PDE6A: variants seen among roughly 807,000 people sequenced by gnomAD.
PDE6A encodes rod cGMP-specific 3',5'-cyclic phosphodiesterase subunit alpha.
A neutral mutation model predicts 106.3 loss-of-function variants in PDE6A; 84 were observed. The ratio of observed to expected loss-of-function variants is 0.79; its 90% CI spans 0.66 to 0.95. The LOEUF (loss-of-function observed/expected upper bound fraction) is 0.95. Among genes scored for constraint, PDE6A ranks in the 40% least tolerant of loss-of-function variants. PDE6A has a pLI of 0.00. For synonymous variants in PDE6A, 394 were observed against 386.6 expected (o/e 1.02, Z -0.23); for missense variants, 1,052 against 1,084.9 (o/e 0.97, Z 0.43).
At chr5:149,939,860 A>C (rs1293787649) in intron 1 of PDE6A, among the ~76,000 whole-genome samples, 2 of 151,552 alleles carry the variant, frequency 1.3e-5, no homozygotes, top group African/African-American at 4.8e-5. Context: ...ATAGAGGAGG[A>C]GGGAGTACAG....
At chr5:149,922,423 T>C (rs1034012846) in intron 4 of PDE6A, among the ~76,000 whole-genome samples, 6 of 152,102 alleles carry the variant, frequency 3.9e-5, no homozygotes, top group African/African-American at 1.4e-4. Context: ...GCAATTCTCC[T>C]GGCTCAGCCT....
At chr5:149,918,944 T>A (rs1753629732) in intron 5 of PDE6A, among the ~76,000 whole-genome samples, 3 of 152,174 alleles carry the variant, frequency 2.0e-5, no homozygotes, top group Admixed American at 2.0e-4. Context: ...CTTAAAAATA[T>A]TTTTAAATAG....
chr5:149,898,754 A>G (rs1314441925), intron 9 of PDE6A, among the ~76,000 whole-genome samples: 3 of 152,106 alleles, frequency 2.0e-5, no homozygotes, highest in African/African-American at 7.2e-5. Context: ...CAAAAAGAGA[A>G]TGTGTTTTTG....
intron 13 of PDE6A, among the ~76,000 whole-genome samples, chr5:149,892,856 T>G (rs1561722769): frequency 6.6e-6 from 1 of 152,314 alleles, no homozygotes; most frequent in East Asian, 1.9e-4. Flanking sequence ...ACAAAGATAT[T>G]TTAAACACAA....
chr5:149,878,943 A>G (rs1453232445), intron 17 of PDE6A, among the ~76,000 whole-genome samples: 1 of 152,066 alleles, frequency 6.6e-6, no homozygotes, highest in Admixed American at 6.6e-5. Context: ...TATTTAGACT[A>G]TGTGTTTTTG....
intron 5 of PDE6A, among the ~76,000 whole-genome samples, chr5:149,918,362 G>A (rs1269378323): frequency 3.3e-5 from 5 of 152,142 alleles, no homozygotes; most frequent in African/African-American, 9.7e-5. Flanking sequence ...AAAAAGCAAG[G>A]CACAAAATAG....
rs1174167224 is a variant in PDE6A at position 149,860,076 on chromosome 5, G to C, written c.*819C>G. On this transcript the variant is annotated 3_prime_UTR_variant, in exon 22 of 22. Transcript: ENST00000255266. Reference sequence around the variant, plus strand: ...AGTGCTAATTTTTGTATTTTTTGTAGAGACAGGGTTTTGCCATTTTGCTCA... The same window carrying C: ...AGTGCTAATTTTTGTATTTTTTGTACAGACAGGGTTTTGCCATTTTGCTCA... 2 of 152,150 alleles carry C rather than the reference G, an allele frequency of 1.3e-5. No homozygotes were observed. Among genetic ancestry groups the C allele is most frequent in the African/African-American group, 4.8e-5 (2 of 41,406 alleles). 9.4% of individuals were successfully genotyped at this position (152,150 alleles called of 1,614,324 possible).
rs190306085 is a variant in PDE6A, at chr5:149,925,346, G to T, written c.859-3637C>A. On this transcript the variant is annotated intron_variant, in intron 4 of 21. Transcript: ENST00000255266. ...GGAAACTACAAAAACAGAATGAGTT[G>T]GAAATTCTAAAATTGAAAAATATCT... 5.3e-5 allele frequency among the ~76,000 whole-genome samples: 8 copies of T among 152,110 alleles called. No individual in the cohort carries two copies. The East Asian group carries it at 1.4e-3, about 26-fold the overall frequency.
rs1386797814 is a variant in PDE6A, at chr5:149,860,861, G to T, written c.*34C>A. The T allele has an allele frequency of 6.4e-7, 1 of 1,570,752 alleles. No individual in the cohort carries two copies. Among genetic ancestry groups the T allele is most frequent in the East Asian group, 2.2e-5 (1 of 44,646 alleles). On this transcript the variant is annotated 3_prime_UTR_variant, in exon 22 of 22. Coordinates refer to ENST00000255266, the MANE Select transcript of PDE6A (RefSeq NM_000440.3). The stretch of plus-strand genomic sequence containing the variant: ...TTGAGTCATCTCTTCCCAGGAAAGG[G>T]TGGTGCCGTCCAGCCAGCACATCCC...
At chr5:149,878,762 T>C (rs1042152678) in intron 17 of PDE6A, among the ~76,000 whole-genome samples, 1 of 152,244 alleles carries the variant, frequency 6.6e-6, no homozygotes, top group African/African-American at 2.4e-5. Context: ...TTTCATAGGT[T>C]TATATCCCAC....
In PDE6A at chr5:149,919,997, C is replaced by T. The variant is rs142466419; in HGVS notation, c.933+1638G>A. 9.9e-5 allele frequency among the ~76,000 whole-genome samples: 15 copies of T among 152,012 alleles called. No homozygotes were observed. In the East Asian group the frequency reaches 1.9e-3, roughly 20 times the overall value. On this transcript the variant is annotated intron_variant, in intron 5 of 21. Coordinates refer to ENST00000255266, the MANE Select transcript of PDE6A (RefSeq NM_000440.3). ...TTCCAAGTGAATGTGGCAGATAAAGCGTGAGAGGGATGTTAGAAGGCAGAG... is the reference window on the plus strand; with the variant it reads ...TTCCAAGTGAATGTGGCAGATAAAGTGTGAGAGGGATGTTAGAAGGCAGAG...
chr5:149,894,003 G>C (rs1238164003), intron 13 of PDE6A, among the ~76,000 whole-genome samples: 1 of 152,126 alleles, frequency 6.6e-6, no homozygotes, highest in Non-Finnish European at 1.5e-5. Context: ...GGGGCTCCTG[G>C]GGGCTCACTC....
chr5:149,867,418 G>T (rs969784569), intron 19 of PDE6A: 1 of 487,064 alleles, frequency 2.1e-6, no homozygotes. Context: ...CTCTAGGGTT[G>T]AGTGAGCTAA....
chr5:149,915,337 G>A (rs570230361), intron 5 of PDE6A, among the ~76,000 whole-genome samples: 11 of 152,296 alleles, frequency 7.2e-5, no homozygotes, highest in Non-Finnish European at 1.3e-4. Context: ...GAGTCAAATA[G>A]AAGTTCAACA....
At chr5:149,925,193 G>C (rs1265754713) in intron 4 of PDE6A, among the ~76,000 whole-genome samples, 1 of 152,012 alleles carries the variant, frequency 6.6e-6, no homozygotes, top group Non-Finnish European at 1.5e-5. Context: ...ATCTAGAGGG[G>C]AAACAGATCA....
intron 17 of PDE6A, among the ~76,000 whole-genome samples, chr5:149,870,296 TTAAG>T (rs576842268): frequency 5.9e-5 from 9 of 152,316 alleles, no homozygotes; most frequent in Non-Finnish European, 1.3e-4. Flanking sequence ...AAATAGCTCT[TTAAG>T]TAAGCTTTCA....
At chr5:149,872,112 A>G (rs911094966) in intron 17 of PDE6A, among the ~76,000 whole-genome samples, 1 of 152,174 alleles carries the variant, frequency 6.6e-6, no homozygotes, top group African/African-American at 2.4e-5. Flanking sequence ...CAATAGGACA[A>G]CAGTGCAAAA....
intron 1 of PDE6A, among the ~76,000 whole-genome samples, chr5:149,941,327 G>A (rs897483848): frequency 3.3e-5 from 5 of 152,322 alleles, no homozygotes; most frequent in Middle Eastern, 3.4e-3. Context: ...CCTCCCTGAG[G>A]AAGGGTGACT....
At chr5:149,868,224 ATCTC>A in intron 17 of PDE6A, 66 bp from the exon 18 acceptor site, 1 of 1,484,140 alleles carries the variant, frequency 6.7e-7, no homozygotes, top group East Asian at 2.3e-5. Flanking sequence ...GGTTAATTCC[ATCTC>A]TCTCACCTTT....
Sources: allele counts gnomAD v4.1 joint callset (sites outside exome capture counted in the v4.1 genomes callset), GRCh38; gene constraint gnomAD v4.1.1; transcripts MANE v1.5; gene names NCBI Gene and HGNC (gene_info 2026-07-23, HGNC 2026-07-21).